Variants in TIAM1 observed in about 807,000 individuals in gnomAD.
TIAM1 encodes the protein rho guanine nucleotide exchange factor TIAM1.
TIAM1 carries 65 observed loss-of-function variants against 163.5 expected under a neutral mutation model. The observed-to-expected ratio is 0.40, with a 90% CI of 0.33 to 0.49. The LOEUF is 0.49. Ranked by LOEUF, TIAM1 falls within the 20% of genes least tolerant of loss-of-function variation. The pLI, the probability that TIAM1 is intolerant of heterozygous loss-of-function variation, is 0.77. For missense variants in TIAM1, 1,789 were observed against 2,044.7 expected, an observed-to-expected ratio of 0.87 and a Z score of 2.41; for synonymous variants, 833 against 810.1, an observed-to-expected ratio of 1.03 and a Z score of -0.48.
At chr21:31,365,590 A>G (rs1409368666) in intron 2 of TIAM1, among the ~76,000 whole-genome samples, 1 of 150,808 alleles carries the variant, frequency 6.6e-6, no homozygotes, top group Non-Finnish European at 1.5e-5. Flanking sequence ...GGGGTTTCAC[A>G]CCATGTTAGC....
intron 1 of TIAM1, among the ~76,000 whole-genome samples, chr21:31,465,312 T>G (rs561860615): frequency 7.4e-4 from 113 of 152,164 alleles, no homozygotes; most frequent in African/African-American, 2.6e-3. Context: ...TCTGTAGTCT[T>G]GAACTCCAAA....
intron 4 of TIAM1, among the ~76,000 whole-genome samples, chr21:31,261,853 G>A (rs2072493268): frequency 6.6e-6 from 1 of 152,110 alleles, no homozygotes; most frequent in Non-Finnish European, 1.5e-5. Flanking sequence ...GGCTAGGGAC[G>A]CTCCGAGAGC....
In TIAM1 at chr21:31,228,238, A is replaced by T. The variant is rs1569068794; in HGVS notation, c.1585-2288T>A. Among the ~76,000 whole-genome samples the T allele has an allele frequency of 2.3e-4, 11 of 48,290 alleles. 1 individual carries two copies. Among genetic ancestry groups the T allele is most frequent in the South Asian group, 2.3e-3 (2 of 888 alleles). The allele number at this position is 48,290 out of a possible 152,430, so 31.7% of individuals were successfully genotyped here. On this transcript the variant is annotated intron_variant, in intron 6 of 27. Coordinates refer to ENST00000541036, the MANE Select transcript of TIAM1 (RefSeq NM_001353694.2). ...CTTTTTTTAAAAAAAAAAAAAAAAA[A>T]AAAAAAAAAAAAAAAAAAAAAGGAA...
At chr21:31,354,291 G>A (rs550796030) in intron 2 of TIAM1, among the ~76,000 whole-genome samples, 1 of 152,074 alleles carries the variant, frequency 6.6e-6, no homozygotes, top group Non-Finnish European at 1.5e-5. Context: ...CATATTTTAG[G>A]GTTTGTCATG....
chr21:31,356,875 G>A (rs2147127139), intron 2 of TIAM1, among the ~76,000 whole-genome samples: 1 of 152,260 alleles, frequency 6.6e-6, no homozygotes, highest in Middle Eastern at 3.4e-3. Flanking sequence ...TAGCACTTTG[G>A]GACACTGAGA....
At chr21:31,240,224 G>A (rs2071094113) in intron 6 of TIAM1, among the ~76,000 whole-genome samples, 1 of 152,056 alleles carries the variant, frequency 6.6e-6, no homozygotes, top group South Asian at 2.1e-4. Context: ...GTTGGGGTGG[G>A]GTAGGAGGGT....
chr21:31,187,757 G>T (rs16987919), intron 13 of TIAM1, among the ~76,000 whole-genome samples: 1,638 of 152,190 alleles, frequency 0.011, 29 homozygotes, highest in African/African-American at 0.036. Flanking sequence ...TGAGGCCGAG[G>T]TATTCTACGT....
At chr21:31,545,981 C>T (rs13048019) in intron 1 of TIAM1, among the ~76,000 whole-genome samples, 21,025 of 151,962 alleles carry the variant, frequency 0.14, 1,690 homozygotes, top group Non-Finnish European at 0.18. Context: ...AACTACTACT[C>T]ATCACAAAAT....
At chr21:31,426,296 C>G (rs1343467402) in intron 2 of TIAM1, among the ~76,000 whole-genome samples, 1 of 152,154 alleles carries the variant, frequency 6.6e-6, no homozygotes, top group Non-Finnish European at 1.5e-5. Context: ...ATTCCTTACC[C>G]CAAATGAGAA....
At chr21:31,315,097 G>A (rs1190281863) in intron 2 of TIAM1, among the ~76,000 whole-genome samples, 1 of 152,106 alleles carries the variant, frequency 6.6e-6, no homozygotes, top group Non-Finnish European at 1.5e-5. Flanking sequence ...AATGAGGCTG[G>A]GCGTGGTGGC....
In TIAM1 at chr21:31,233,793, T is replaced by G. The variant is rs552828318; in HGVS notation, c.1585-7843A>C. 3.0e-3 allele frequency among the ~76,000 whole-genome samples: 463 copies of G among 152,272 alleles called. 6 individuals are homozygous for G. The highest frequency in any genetic ancestry group is 0.011 in the African/African-American group (451 of 41,556). On this transcript the variant is annotated intron_variant, in intron 6 of 27. Transcript: ENST00000541036. ...CCCTCTCACCCTCACCCACGCCGGG[T>G]TCATTCTTTGGAGAAGAAAGGAAGC...
At chr21:31,313,632 T>C (rs142198182) in intron 2 of TIAM1, among the ~76,000 whole-genome samples, 226 of 152,322 alleles carry the variant, frequency 1.5e-3, no homozygotes, top group African/African-American at 5.2e-3. Flanking sequence ...TGCCATCCAG[T>C]GGCGCAATCT....
chr21:31,158,437 G>A (rs1375088973), intron 16 of TIAM1, among the ~76,000 whole-genome samples: 2 of 152,092 alleles, frequency 1.3e-5, no homozygotes, highest in South Asian at 2.1e-4. Context: ...CCTACTCAAT[G>A]AATCAAGGCA....
intron 4 of TIAM1, among the ~76,000 whole-genome samples, chr21:31,258,184 G>A (rs1487562570): frequency 2.6e-5 from 4 of 152,054 alleles, no homozygotes; most frequent in South Asian, 2.1e-4. Flanking sequence ...CGAGCTCCAC[G>A]AGCTTGTGGA....
intron 1 of TIAM1, among the ~76,000 whole-genome samples, chr21:31,532,670 G>A (rs972751373): frequency 4.1e-4 from 63 of 152,166 alleles, no homozygotes; most frequent in African/African-American, 1.4e-3. Flanking sequence ...TAATCTCCCC[G>A]CACTCTAGCT....
intron 1 of TIAM1, among the ~76,000 whole-genome samples, chr21:31,340,540 T>C (rs1234372280): frequency 6.6e-6 from 1 of 152,138 alleles, no homozygotes; most frequent in Admixed American, 6.5e-5. Flanking sequence ...TGTTTTAATT[T>C]AATTTTTAGA....
In TIAM1 at chr21:31,251,967, T is replaced by C; in HGVS notation, c.1186A>G (p.Thr396Ala). Residue 396 changes from threonine to alanine, a missense_variant, in exon 5 of 28, where the codon ACC becomes GCC. Coordinates refer to ENST00000541036, the MANE Select transcript of TIAM1 (RefSeq NM_001353694.2). Reference sequence around the variant, plus strand: ...GCCTCCTCCAGGCTCTCGCTGTTGGTGGTGCTCATCTCCAGCTCCCGCCGG... The same window carrying C: ...GCCTCCTCCAGGCTCTCGCTGTTGGCGGTGCTCATCTCCAGCTCCCGCCGG... ...NFRRELEMST[T>A]NSESLEEAGS... The C allele has an allele frequency of 6.2e-7, 1 of 1,613,906 alleles. No individual in the cohort carries two copies. The highest frequency in any genetic ancestry group is 1.1e-5 in the South Asian group (1 of 91,072).
intron 2 of TIAM1, among the ~76,000 whole-genome samples, chr21:31,453,546 A>G (rs1298842929): frequency 1.3e-5 from 2 of 152,024 alleles, no homozygotes; most frequent in African/African-American, 2.4e-5. Context: ...TGCAAAAATT[A>G]GCCGGGTGTG....
intron 2 of TIAM1, among the ~76,000 whole-genome samples, chr21:31,430,340 C>T (rs1224282501): frequency 6.6e-6 from 1 of 150,698 alleles, no homozygotes; most frequent in Non-Finnish European, 1.5e-5. Context: ...CCTCACCGAA[C>T]CCAAACTGAT....
Sources: allele counts gnomAD v4.1 joint callset (sites outside exome capture counted in the v4.1 genomes callset), GRCh38; gene constraint gnomAD v4.1.1; transcripts MANE v1.5; gene names NCBI Gene and HGNC (gene_info 2026-07-23, HGNC 2026-07-21).